Variants in FRMPD2 observed in about 807,000 individuals in gnomAD.
The protein encoded by FRMPD2 is FERM and PDZ domain containing 2, also known as FERM and PDZ domain-containing protein 2.
FRMPD2 carries 96 observed loss-of-function variants against 140.1 expected under a neutral mutation model. That is an observed-to-expected ratio of 0.69 (90% CI 0.58 to 0.81). The LOEUF is 0.81. Among genes scored for constraint, FRMPD2 ranks in the 40% least tolerant of loss-of-function variants. The pLI is 0.00. For missense variants in FRMPD2, 1,240 were observed against 1,447.4 expected (o/e 0.86, Z 2.32); for synonymous variants, 449 against 547.6 (o/e 0.82, Z 2.52).
intron 10 of FRMPD2, among the ~76,000 whole-genome samples, chr10:48,224,384 G>A (rs1839676697): frequency 1.3e-5 from 2 of 152,174 alleles, no homozygotes; most frequent in South Asian, 4.1e-4. Flanking sequence ...CAGGAGTCCT[G>A]CCCAGTTTTG....
At chr10:48,226,623 T>C (rs995406863) in intron 10 of FRMPD2, among the ~76,000 whole-genome samples, 1 of 152,216 alleles carries the variant, frequency 6.6e-6, no homozygotes, top group Non-Finnish European at 1.5e-5. Context: ...ATCCTCCCTC[T>C]CCTGGAAGGA....
intron 1 of FRMPD2, among the ~76,000 whole-genome samples, chr10:48,257,839 TC>T (rs1439239573): frequency 4.6e-5 from 7 of 152,182 alleles, no homozygotes; most frequent in Non-Finnish European, 7.3e-5. Flanking sequence ...ACATCATATT[TC>T]CTGTCTCTTT....
chr10:48,199,755 T>C (rs1292165803), intron 15 of FRMPD2: 4 of 152,216 alleles, frequency 2.6e-5, no homozygotes, highest in African/African-American at 9.7e-5. Flanking sequence ...GACCATGGTG[T>C]ATCGTTACAC....
chr10:48,238,259 G>A (rs962262145), intron 7 of FRMPD2, 136 bp from the exon 8 acceptor site: 22 of 881,612 alleles, frequency 2.5e-5, no homozygotes, highest in Non-Finnish European at 3.2e-5. Flanking sequence ...CACCTATGGG[G>A]GAGTTATATC....
At position 48,272,675 on chromosome 10, in the gene FRMPD2, T is replaced by C. The variant is rs574414926; in HGVS notation, c.25+1868A>G. ...CTTGGTTTGCTGTTTTTTCATTCCC[T>C]AAGAAAACTAAGAAAGTGATGGAGA... On this transcript the variant is annotated intron_variant, in intron 1 of 28. Transcript: ENST00000374201. 2.6e-5 allele frequency among the ~76,000 whole-genome samples: 4 copies of C among 152,338 alleles called. No homozygotes were observed. In the South Asian group the frequency reaches 8.3e-4, roughly 32 times the overall value.
At position 48,274,562 on chromosome 10, in the gene FRMPD2, C is replaced by T. The variant is rs1003498139; in HGVS notation, c.6G>A (p.Gln2=). Residue 2 remains glutamine, a synonymous_variant, in exon 1 of 29, where the codon CAG becomes CAA. Coordinates refer to ENST00000374201, the MANE Select transcript of FRMPD2 (RefSeq NM_001018071.4). ...GAATACCTGCGTCCTTCGTTAAAGGCTGCATCCAAAAGTCTCCGTGACCAG... is the reference window on the plus strand; with the variant it reads ...GAATACCTGCGTCCTTCGTTAAAGGTTGCATCCAAAAGTCTCCGTGACCAG... The part of the protein sequence containing the change: M[Q]PLTKDAGMSL... The T allele has an allele frequency of 6.2e-7, 1 of 1,614,000 alleles. No individual in the cohort carries two copies. Among genetic ancestry groups the T allele is most frequent in the African/African-American group, 1.3e-5 (1 of 74,934 alleles).
intron 15 of FRMPD2, among the ~76,000 whole-genome samples, chr10:48,196,421 T>TATGTG (rs1283256682): frequency 2.6e-5 from 4 of 152,202 alleles, no homozygotes; most frequent in African/African-American, 9.7e-5. Context: ...GCAAGTCCAT[T>TATGTG]ATGTGACGTG....
chr10:48,269,541 C>T (rs1199307678), intron 1 of FRMPD2, among the ~76,000 whole-genome samples: 1 of 152,196 alleles, frequency 6.6e-6, no homozygotes, highest in East Asian at 1.9e-4. Context: ...AGCCTTCTCT[C>T]CTCCTGCAGT....
At position 48,176,716 on chromosome 10, in the gene FRMPD2, G is replaced by C. The variant is rs1367610895; in HGVS notation, c.2896-777C>G. On this transcript the variant is annotated intron_variant, in intron 22 of 28. Transcript: ENST00000374201. ...TAGTCAGTTTTTCAGATGAAAAATA[G>C]CTATGTTTGGTGTCTGATAAGGCTG... 5.4e-4 allele frequency among the ~76,000 whole-genome samples: 82 copies of C among 152,176 alleles called. 2 individuals carry two copies. The highest frequency in any genetic ancestry group is 5.9e-4 in the Admixed American group (9 of 15,290).
intron 1 of FRMPD2, among the ~76,000 whole-genome samples, chr10:48,254,970 G>A (rs1019568174): frequency 2.0e-5 from 3 of 152,182 alleles, no homozygotes; most frequent in African/African-American, 7.2e-5. Flanking sequence ...TGGTCTGGTG[G>A]GCTGTATCAT....
At position 48,244,929 on chromosome 10, in the gene FRMPD2, T is replaced by C. The variant is rs1456279446; in HGVS notation, c.310-80A>G. On this transcript the variant is annotated intron_variant, in intron 3 of 28. Coordinates refer to ENST00000374201, the MANE Select transcript of FRMPD2 (RefSeq NM_001018071.4). ...CTCTGCAAGAAAAATACAATCCAATTTCCACATGAACAGACACTGTTGTCT... is the reference window on the plus strand; with the variant it reads ...CTCTGCAAGAAAAATACAATCCAATCTCCACATGAACAGACACTGTTGTCT... The C allele has an allele frequency of 2.8e-6, 3 of 1,070,556 alleles. No homozygotes were observed. In the African/African-American group the frequency reaches 4.7e-5, roughly 17 times the overall value. 66.3% of individuals were successfully genotyped at this position (1,070,556 alleles called of 1,614,324 possible).
At chr10:48,253,591 GACA>G (rs1840433120) in intron 1 of FRMPD2, among the ~76,000 whole-genome samples, 1 of 152,086 alleles carries the variant, frequency 6.6e-6, no homozygotes, top group African/African-American at 2.4e-5. Flanking sequence ...GAATTTGGTA[GACA>G]ACAAAGCAAT....
In FRMPD2 at chr10:48,201,238, A is replaced by G. The variant is rs776909602; in HGVS notation, c.1944T>C (p.His648=). Residue 648 remains histidine, a synonymous_variant, in exon 15 of 29, where the codon CAT becomes CAC. Coordinates refer to ENST00000374201, the MANE Select transcript of FRMPD2 (RefSeq NM_001018071.4). ...NAQMGSGQPS[H]VLFDHDKFVQ... ...ACAGCTTCTACTCACCAAATAAAAC[A>G]TGGGAAGGCTGCCCAGAGCCCATCT... is the stretch of plus-strand genomic sequence containing the variant. 2 of 1,605,834 alleles carry G rather than the reference A, an allele frequency of 1.2e-6. No individual in the cohort carries two copies. The highest frequency in any genetic ancestry group is 1.7e-6 in the Non-Finnish European group (2 of 1,176,010).
intron 15 of FRMPD2, among the ~76,000 whole-genome samples, chr10:48,193,912 T>TA (rs1236619101): frequency 4.6e-5 from 7 of 151,924 alleles, no homozygotes; most frequent in Non-Finnish European, 7.4e-5. Context: ...GCCAGCCTTT[T>TA]AAAAAAAAAC....
intron 22 of FRMPD2, among the ~76,000 whole-genome samples, chr10:48,177,024 A>G (rs1452782979): frequency 6.6e-6 from 1 of 151,962 alleles, no homozygotes; most frequent in Non-Finnish European, 1.5e-5. Flanking sequence ...GGGAGATGTC[A>G]TTCTATTTCC....
intron 14 of FRMPD2, among the ~76,000 whole-genome samples, chr10:48,205,032 A>T (rs1362438998): frequency 2.0e-5 from 3 of 152,208 alleles, no homozygotes; most frequent in Non-Finnish European, 4.4e-5. Flanking sequence ...CTCAGGTATT[A>T]AAAAGCAAAA....
chr10:48,237,881 G>C (rs571425253), intron 8 of FRMPD2, 110 bp downstream of exon 8: 2 of 1,307,392 alleles, frequency 1.5e-6, no homozygotes, highest in Non-Finnish European at 2.2e-6. Context: ...CCTCAGCCCA[G>C]GGAAGTTGTC....
chr10:48,216,598 T>C (rs1839456792), intron 12 of FRMPD2, among the ~76,000 whole-genome samples: 1 of 152,178 alleles, frequency 6.6e-6, no homozygotes, highest in African/African-American at 2.4e-5. Flanking sequence ...AGTTGTGTCA[T>C]TTTATATCAG....
intron 28 of FRMPD2, among the ~76,000 whole-genome samples, chr10:48,161,920 A>G (rs1564411273): frequency 6.7e-6 from 1 of 150,346 alleles, no homozygotes; most frequent in Non-Finnish European, 1.5e-5. Flanking sequence ...TCAAATTCCC[A>G]GCTTGTACCT....
Sources: allele counts gnomAD v4.1 joint callset (sites outside exome capture counted in the v4.1 genomes callset), GRCh38; gene constraint gnomAD v4.1.1; transcripts MANE v1.5; gene names NCBI Gene and HGNC (gene_info 2026-07-23, HGNC 2026-07-21).